Variants in CHD9 observed in about 807,000 individuals in gnomAD.
CHD9 encodes ATP-dependent chromatin remodeler CHD9.
In CHD9, 77 loss-of-function variants were observed where a neutral mutation model predicts 316.1. That is an observed-to-expected ratio of 0.24 (90% confidence interval 0.20 to 0.29). CHD9 has a LOEUF of 0.29. CHD9 is among the 10% of genes least tolerant of loss of function. The pLI, the probability that CHD9 is intolerant of heterozygous loss-of-function variation, is 1.00. For synonymous variants in CHD9, 1,129 were observed against 1,158.3 expected (o/e 0.97, Z 0.51); for missense variants, 2,763 against 3,438.1 (o/e 0.80, Z 4.91).
rs1308076548 is a variant in CHD9, at chr16:53,108,555, GATA to G, written c.-164-47370_-164-47368del. ...AGATAGATAGATAGATAGATAGATA[GATA>G]GATGCAGATATCAATTATTAAAACC... On this transcript the variant is annotated intron_variant, in intron 1 of 38. Transcript: ENST00000447540. 4.1e-5 allele frequency among the ~76,000 whole-genome samples: 6 copies of G among 146,944 alleles called. No homozygotes were observed. The South Asian group carries it at 8.6e-4, about 21-fold the overall frequency.
chr16:53,101,789 T>A (rs1400570230), intron 1 of CHD9, among the ~76,000 whole-genome samples: 1 of 152,206 alleles, frequency 6.6e-6, no homozygotes, highest in Admixed American at 6.5e-5. Flanking sequence ...GATTTGAGCC[T>A]TTACAAGAGG....
intron 1 of CHD9, among the ~76,000 whole-genome samples, chr16:53,150,986 T>C (rs1189057624): frequency 2.0e-5 from 3 of 152,144 alleles, no homozygotes; most frequent in African/African-American, 7.2e-5. Context: ...GTGAGCTTCT[T>C]GGATATGTAG....
intron 30 of CHD9, among the ~76,000 whole-genome samples, chr16:53,301,325 C>A (rs1048429740): frequency 6.6e-6 from 1 of 152,044 alleles, no homozygotes; most frequent in Non-Finnish European, 1.5e-5. Flanking sequence ...TAACTCAGAG[C>A]GTTTCTCAAA....
chr16:53,233,351 G>C (rs1305195865), intron 10 of CHD9, among the ~76,000 whole-genome samples: 1 of 152,182 alleles, frequency 6.6e-6, no homozygotes, highest in Non-Finnish European at 1.5e-5. Flanking sequence ...GAGGAAGAGA[G>C]ACATAGGGCG....
intron 1 of CHD9, among the ~76,000 whole-genome samples, chr16:53,083,839 C>A (rs190924197): frequency 6.6e-6 from 1 of 152,140 alleles, no homozygotes; most frequent in Non-Finnish European, 1.5e-5. Context: ...TAGCCTTGAA[C>A]TCATGGCCTC....
intron 1 of CHD9, among the ~76,000 whole-genome samples, chr16:53,124,010 A>G (rs2038861783): frequency 6.6e-6 from 1 of 152,144 alleles, no homozygotes; most frequent in Non-Finnish European, 1.5e-5. Flanking sequence ...GCTGATAGAC[A>G]TTTGGGTTGT....
At chr16:53,293,900 A>G (rs910219540) in intron 29 of CHD9, among the ~76,000 whole-genome samples, 1 of 152,158 alleles carries the variant, frequency 6.6e-6, no homozygotes, top group Admixed American at 6.5e-5. Context: ...GTGAGCCAGT[A>G]TCATACCACT....
rs768558438 is a variant in CHD9 at position 53,195,197 on chromosome 16, C to G, written c.1453-14285C>G. Among the ~76,000 whole-genome samples, 45 of 152,260 alleles carry G rather than the reference C, an allele frequency of 3.0e-4. No homozygotes were observed. The Middle Eastern group carries it at 0.014, about 46-fold the overall frequency. ...TAAGATATTAGCACAATTCTAGAAG[C>G]CTGCTATGGCCTAAAAGCTTGCTAC... On this transcript the variant is annotated intron_variant, in intron 2 of 38. Transcript: ENST00000447540.
intron 1 of CHD9, among the ~76,000 whole-genome samples, chr16:53,154,299 A>C (rs1358175862): frequency 6.6e-6 from 1 of 152,210 alleles, no homozygotes; most frequent in Non-Finnish European, 1.5e-5. Flanking sequence ...CTCAAACCAA[A>C]CATCACTTAC....
chr16:53,132,089 T>A (rs151227558), intron 1 of CHD9, among the ~76,000 whole-genome samples: 21 of 139,118 alleles, frequency 1.5e-4, no homozygotes, highest in African/African-American at 4.6e-4. Context: ...TTTTTATTTT[T>A]AAAAAAAATT....
At position 53,209,908 on chromosome 16, in the gene CHD9, C is replaced by T. The variant is rs1040790728; in HGVS notation, c.1784+95C>T. On this transcript the variant is annotated intron_variant, in intron 3 of 38. Transcript: ENST00000447540. ...ACTTTTGATTTGAGTATATTTACTC[C>T]CATATTTGAGTTTTAAATTGTTGGC... is the stretch of plus-strand genomic sequence containing the variant. 1.2e-4 allele frequency: 107 copies of T among 861,280 alleles called. No individual in the cohort carries two copies. In the African/African-American group the frequency reaches 1.5e-3, roughly 12 times the overall value. 53.4% of individuals were successfully genotyped at this position (861,280 alleles called of 1,614,324 possible).
intron 1 of CHD9, among the ~76,000 whole-genome samples, chr16:53,154,738 C>G (rs2041383926): frequency 6.6e-6 from 1 of 152,200 alleles, no homozygotes; most frequent in Non-Finnish European, 1.5e-5. Context: ...GGCAGTAATG[C>G]TGGCTGACCT....
At chr16:53,229,477 A>C (rs1327313540) in intron 8 of CHD9, among the ~76,000 whole-genome samples, 1 of 152,240 alleles carries the variant, frequency 6.6e-6, no homozygotes, top group Non-Finnish European at 1.5e-5. Flanking sequence ...CATATTTTCT[A>C]TACTAGCTTC....
rs777507051 is a variant in CHD9, at chr16:53,247,261, A to G, written c.3455-32A>G. On this transcript the variant is annotated intron_variant, in intron 15 of 38. Transcript: ENST00000447540. ...AATTGGGAATTTCCTGCATTTGCAC[A>G]TTGCTGTTATCTTCTCCTATTTCTT... 5 of 1,472,756 alleles carry G rather than the reference A, an allele frequency of 3.4e-6. No homozygotes were observed. The Admixed American group carries it at 7.8e-5, about 23-fold the overall frequency. The allele number at this position is 1,472,756 out of a possible 1,614,324, so 91.2% of individuals were successfully genotyped here.
intron 25 of CHD9, 60 bp from the exon 26 acceptor site, chr16:53,286,166 A>T: frequency 1.1e-6 from 1 of 883,824 alleles, no homozygotes; most frequent in Non-Finnish European, 1.8e-6. Flanking sequence ...AGGAATGCTT[A>T]TATGTATACA....
chr16:53,245,195 TACACAC>T lies in CHD9; in HGVS notation c.3055-131_3055-126del. 2.0e-6 allele frequency: 1 copy of T among 498,578 alleles called. No individual in the cohort carries two copies. Among genetic ancestry groups the T allele is most frequent in the Non-Finnish European group, 3.2e-6 (1 of 316,228 alleles). 30.9% of individuals were successfully genotyped at this position (498,578 alleles called of 1,614,324 possible). A position where few individuals can be genotyped will look rare whatever the true frequency, so the allele number is the denominator to read the frequency against. Reference sequence around the variant, plus strand: ...AAACAAACAAACAAATATATATATATACACACACACACACATAACATATATATATGT... The same window carrying T: ...AAACAAACAAACAAATATATATATATACACACACATAACATATATATATGT... On this transcript the variant is annotated intron_variant, in intron 13 of 38. Transcript: ENST00000447540. This position sits in a 1 kb window ranked among gnomAD's most constrained non-coding sequence, Gnocchi z 4.1.
chr16:53,199,731 A>G (rs1662014928), intron 2 of CHD9, among the ~76,000 whole-genome samples: 1 of 152,184 alleles, frequency 6.6e-6, no homozygotes, highest in African/African-American at 2.4e-5. Context: ...AACCTACTGT[A>G]GTGTGGCTTC....
chr16:53,288,524 G>A (rs2054079153), intron 27 of CHD9, among the ~76,000 whole-genome samples: 2 of 152,178 alleles, frequency 1.3e-5, no homozygotes, highest in South Asian at 4.1e-4. Flanking sequence ...TTTTAAAAGA[G>A]ATGAGGAATG....
chr16:53,062,986 C>G (rs1401643331), intron 1 of CHD9, among the ~76,000 whole-genome samples: 3 of 152,246 alleles, frequency 2.0e-5, no homozygotes, highest in African/African-American at 7.2e-5. Context: ...CGCCATTGCA[C>G]TCTAGCCTGG....
Sources: gnomAD v4.1 joint callset for allele counts (sites outside exome capture counted in the v4.1 genomes callset) on GRCh38, gnomAD v4.1.1 for gene constraint, Gnocchi (gnomAD v3.1) non-coding constraint, MANE v1.5 for transcripts, NCBI Gene and HGNC (gene_info 2026-07-23, HGNC 2026-07-21) for gene names.